Variants in DOK6 observed in about 807,000 individuals in gnomAD.
The protein encoded by DOK6 is docking protein 6, also known as downstream of tyrosine kinase 6.
Under a neutral mutation model 44.0 loss-of-function variants are expected in DOK6, and 22 were observed. The ratio of observed to expected loss-of-function variants is 0.50; its 90% CI spans 0.36 to 0.71. The LOEUF (loss-of-function observed/expected upper bound fraction) is 0.71, where lower values mean the gene tolerates loss of function less well. Among genes scored for constraint, DOK6 ranks in the 30% least tolerant of loss-of-function variants. The probability of loss-of-function intolerance (pLI) is 0.00; values close to 1 mark genes in which losing one functional copy is unlikely to be tolerated. For missense variants in DOK6, 340 were observed against 416.4 expected (o/e 0.82, Z 1.60); for synonymous variants, 166 against 145.5 (o/e 1.14, Z -1.01).
chr18:69,652,222 T>G (rs1262163251), intron 3 of DOK6, among the ~76,000 whole-genome samples: 1 of 152,216 alleles, frequency 6.6e-6, no homozygotes, highest in Non-Finnish European at 1.5e-5. Context: ...TAAATAACTT[T>G]CAGAGAAGTT....
At chr18:69,835,245 G>A (rs991784704) in intron 7 of DOK6, among the ~76,000 whole-genome samples, 6 of 152,046 alleles carry the variant, frequency 3.9e-5, no homozygotes, top group African/African-American at 1.4e-4. Flanking sequence ...GGTGGATCAC[G>A]AGGTCAGGAG....
At chr18:69,783,270 CTT>C (rs1980330999) in intron 7 of DOK6, among the ~76,000 whole-genome samples, 1 of 152,154 alleles carries the variant, frequency 6.6e-6, no homozygotes, top group Non-Finnish European at 1.5e-5. Flanking sequence ...CTGTTGAACA[CTT>C]GAGATATGAT....
chr18:69,662,736 C>A (rs1294182232), intron 3 of DOK6: 1 of 152,192 alleles, frequency 6.6e-6, no homozygotes, highest in Non-Finnish European at 1.5e-5. Flanking sequence ...ATTTCTTGTG[C>A]CATGCCAATG....
intron 1 of DOK6, among the ~76,000 whole-genome samples, chr18:69,533,544 T>C (rs1019310041): frequency 1.3e-5 from 2 of 152,120 alleles, no homozygotes; most frequent in African/African-American, 4.8e-5. Context: ...AAAGGAACTT[T>C]AGTAATTGTT....
At chr18:69,816,513 C>T (rs1981403405) in intron 7 of DOK6, among the ~76,000 whole-genome samples, 4 of 152,162 alleles carry the variant, frequency 2.6e-5, no homozygotes, top group Admixed American at 1.3e-4. Context: ...AGTTTGGAGA[C>T]TTGTTACTTT....
chr18:69,496,341 C>T (rs1291267428), intron 1 of DOK6, among the ~76,000 whole-genome samples: 1 of 152,236 alleles, frequency 6.6e-6, no homozygotes, highest in Non-Finnish European at 1.5e-5. Context: ...CGGGAGTTCC[C>T]ACCCCACCAA....
At chr18:69,531,078 C>A (rs997561084) in intron 1 of DOK6, among the ~76,000 whole-genome samples, 6 of 151,588 alleles carry the variant, frequency 4.0e-5, no homozygotes, top group Admixed American at 2.0e-4. Flanking sequence ...AGGATTACAA[C>A]CCCTGCCTTT....
chr18:69,727,228 A>G (rs1486909250), intron 5 of DOK6, among the ~76,000 whole-genome samples: 1 of 151,930 alleles, frequency 6.6e-6, no homozygotes, highest in Non-Finnish European at 1.5e-5. Context: ...TTACCTCCCA[A>G]AGGCCACACC....
At chr18:69,527,513 G>A (rs1454312229) in intron 1 of DOK6, among the ~76,000 whole-genome samples, 12 of 152,140 alleles carry the variant, frequency 7.9e-5, no homozygotes, top group Non-Finnish European at 1.3e-4. Flanking sequence ...AACTGCCCCC[G>A]TGATTCAACC....
intron 1 of DOK6, among the ~76,000 whole-genome samples, chr18:69,559,918 A>G (rs1317904720): frequency 6.6e-6 from 1 of 152,084 alleles, no homozygotes; most frequent in African/African-American, 2.4e-5. Flanking sequence ...CACTAATCCC[A>G]TTATCAAGGC....
rs760654063 is a variant in DOK6, at chr18:69,841,283, C to T, written c.896C>T (p.Thr299Ile). 2 of 1,614,214 alleles carry T rather than the reference C, an allele frequency of 1.2e-6. No homozygotes were observed. Among genetic ancestry groups the T allele is most frequent in the Admixed American group, 1.7e-5 (1 of 60,026 alleles). ...FGSSKMSRAQ[T>I]FPSYAPEQSE... Reference sequence around the variant, plus strand: ...TCGTCAAAGATGTCTCGTGCACAGACATTTCCCAGCTACGCCCCAGAACAG... The same window carrying T: ...TCGTCAAAGATGTCTCGTGCACAGATATTTCCCAGCTACGCCCCAGAACAG... The change falls in exon 8 of 8, where the codon ACA becomes ATA. Residue 299 changes from threonine (T) to isoleucine (I), a missense_variant. Thr to Ile is a moderately conservative substitution (Grantham distance 89). Transcript: ENST00000382713.
At chr18:69,717,940 C>T (rs184613978) in intron 5 of DOK6, among the ~76,000 whole-genome samples, 7 of 152,140 alleles carry the variant, frequency 4.6e-5, no homozygotes, top group Non-Finnish European at 1.0e-4. Context: ...GTCAAAGAAT[C>T]GGAATATAGA....
chr18:69,615,282 T>C (rs1301736326), intron 3 of DOK6, among the ~76,000 whole-genome samples: 1 of 152,212 alleles, frequency 6.6e-6, no homozygotes. Context: ...TGGGCAAACA[T>C]AGTACTTCAG....
At chr18:69,774,285 C>T (rs1568122560) in intron 7 of DOK6, among the ~76,000 whole-genome samples, 1 of 151,208 alleles carries the variant, frequency 6.6e-6, no homozygotes, top group Non-Finnish European at 1.5e-5. Flanking sequence ...TGTTCTCACT[C>T]ATAAGCGGGA....
chr18:69,837,689 A>G (rs1283268536), intron 7 of DOK6, among the ~76,000 whole-genome samples: 1 of 152,146 alleles, frequency 6.6e-6, no homozygotes, highest in Non-Finnish European at 1.5e-5. Context: ...AAATCCTGAA[A>G]ATACCTTGGG....
rs1225734819 is a variant in DOK6 at position 69,842,604 on chromosome 18, C to T, written c.*1221C>T. ...GGGCTTTATTTTTTCTTTTACTGGA[C>T]ACAGGTTGTCTGAGATTATAAGAAA... On this transcript the variant is annotated 3_prime_UTR_variant, in exon 8 of 8. Transcript: ENST00000382713. The T allele has an allele frequency of 6.6e-6, 1 of 152,102 alleles. No homozygotes were observed. Among genetic ancestry groups the T allele is most frequent in the East Asian group, 1.9e-4 (1 of 5,194 alleles). 9.4% of individuals were successfully genotyped at this position (152,102 alleles called of 1,614,324 possible). A position where few individuals can be genotyped will look rare whatever the true frequency, so the allele number is the denominator to read the frequency against.
intron 1 of DOK6, among the ~76,000 whole-genome samples, chr18:69,499,991 T>C (rs776355556): frequency 6.6e-6 from 1 of 152,184 alleles, no homozygotes; most frequent in Non-Finnish European, 1.5e-5. Context: ...TTGTGGTATA[T>C]GTAGAATATG....
intron 1 of DOK6, among the ~76,000 whole-genome samples, chr18:69,551,469 TA>T (rs1982564433): frequency 6.6e-6 from 1 of 152,226 alleles, no homozygotes; most frequent in African/African-American, 2.4e-5. Context: ...CATGTAGTCA[TA>T]AATCATTGAC....
At chr18:69,823,694 G>A (rs1220803622) in intron 7 of DOK6, among the ~76,000 whole-genome samples, 2 of 151,302 alleles carry the variant, frequency 1.3e-5, no homozygotes, top group African/African-American at 4.9e-5. Context: ...TGAAGCAGGG[G>A]TATTCTCCAT....
Sources: gnomAD v4.1 joint callset for allele counts (sites outside exome capture counted in the v4.1 genomes callset) on GRCh38, gnomAD v4.1.1 for gene constraint, MANE v1.5 for transcripts, NCBI Gene and HGNC (gene_info 2026-07-23, HGNC 2026-07-21) for gene names.